VGLL4: variants seen among roughly 807,000 people sequenced by gnomAD.
VGLL4 encodes the protein vestigial like family member 4.
VGLL4 carries 7 observed loss-of-function variants against 21.0 expected under a neutral mutation model. The ratio of observed to expected loss-of-function variants is 0.33; its 90% CI spans 0.19 to 0.63. The LOEUF (loss-of-function observed/expected upper bound fraction) is 0.63, where lower values mean the gene tolerates loss of function less well. Ranked by LOEUF, VGLL4 falls within the 20% of genes least tolerant of loss-of-function variation. The pLI is 0.78. For missense variants in VGLL4, 394 were observed against 425.7 expected (o/e 0.93, Z 0.66); for synonymous variants, 222 against 173.2 (o/e 1.28, Z -2.21).
intron 1 of VGLL4, among the ~76,000 whole-genome samples, chr3:11,629,516 G>A (rs1296041132): frequency 6.6e-6 from 1 of 152,202 alleles, no homozygotes; most frequent in Middle Eastern, 3.4e-3. Context: ...CAGCACTTTG[G>A]GAGGCAGAGG....
chr3:11,615,525 C>G (rs2075145829), intron 1 of VGLL4, among the ~76,000 whole-genome samples: 1 of 152,230 alleles, frequency 6.6e-6, no homozygotes, highest in African/African-American at 2.4e-5. Flanking sequence ...ACTGGGGAAG[C>G]AGAGCCTGCA....
chr3:11,621,585 G>A (rs1180430799), intron 1 of VGLL4, among the ~76,000 whole-genome samples: 1 of 152,156 alleles, frequency 6.6e-6, no homozygotes, highest in African/African-American at 2.4e-5. Flanking sequence ...TGGGTATTTG[G>A]ATTGCTTCTA....
At chr3:11,596,318 C>G (rs887085209) in intron 2 of VGLL4, among the ~76,000 whole-genome samples, 6 of 152,170 alleles carry the variant, frequency 3.9e-5, no homozygotes, top group Admixed American at 6.5e-5. Flanking sequence ...GGGAAAGTAA[C>G]TCTTCAAATT....
chr3:11,708,445 C>A (rs1170363361), intron 1 of VGLL4, among the ~76,000 whole-genome samples: 1 of 152,150 alleles, frequency 6.6e-6, no homozygotes, highest in Admixed American at 6.5e-5. Context: ...AAAAGCTGGG[C>A]AGGTGATGTG....
At chr3:11,718,670 G>T (rs2076950803) in intron 1 of VGLL4, among the ~76,000 whole-genome samples, 2 of 152,082 alleles carry the variant, frequency 1.3e-5, no homozygotes, top group South Asian at 2.1e-4. Context: ...GTAGAGGTAG[G>T]CTTGGGTATA....
At chr3:11,610,060 G>C (rs1047177404) in intron 1 of VGLL4, among the ~76,000 whole-genome samples, 7 of 152,114 alleles carry the variant, frequency 4.6e-5, no homozygotes, top group Admixed American at 6.5e-5. Context: ...CCATAGCTCG[G>C]TCGGCCAAGC....
intron 2 of VGLL4, among the ~76,000 whole-genome samples, chr3:11,579,507 T>A (rs1243892522): frequency 2.6e-5 from 4 of 152,204 alleles, no homozygotes; most frequent in Non-Finnish European, 4.4e-5. Flanking sequence ...ATCACTCACA[T>A]CTAGATGCAA....
intron 1 of VGLL4, among the ~76,000 whole-genome samples, chr3:11,713,531 A>G (rs756288443): frequency 3.4e-5 from 5 of 147,464 alleles, no homozygotes; most frequent in African/African-American, 7.6e-5. Context: ...TTCATGTTCT[A>G]TATCTACCTC....
At chr3:11,603,435 T>C (rs1029355389) in intron 1 of VGLL4, among the ~76,000 whole-genome samples, 2 of 152,210 alleles carry the variant, frequency 1.3e-5, no homozygotes, top group Non-Finnish European at 2.9e-5. Context: ...ACTCCCTATT[T>C]AGTAATTTTC....
chr3:11,654,385 C>CA (rs1470968314), intron 2 of VGLL4, among the ~76,000 whole-genome samples: 1 of 152,130 alleles, frequency 6.6e-6, no homozygotes, highest in African/African-American at 2.4e-5. Context: ...AAACAGATAC[C>CA]AAGCAGGCTC....
At chr3:11,632,559 G>C (rs897877985) in intron 1 of VGLL4, among the ~76,000 whole-genome samples, 4 of 152,142 alleles carry the variant, frequency 2.6e-5, no homozygotes, top group African/African-American at 4.8e-5. Flanking sequence ...TTTTCTGCAA[G>C]TTTCCTTAAT....
At chr3:11,569,107 G>A (rs2073669932) in intron 2 of VGLL4, among the ~76,000 whole-genome samples, 1 of 152,222 alleles carries the variant, frequency 6.6e-6, no homozygotes, top group South Asian at 2.1e-4. Context: ...CAGTGACATT[G>A]AAAGAATCCA....
chr3:11,635,133 G>A (rs1268566584), intron 1 of VGLL4, among the ~76,000 whole-genome samples: 2 of 152,196 alleles, frequency 1.3e-5, no homozygotes, highest in Admixed American at 6.5e-5. Context: ...CAGAGTTGTG[G>A]GAGCAGAAAT....
In VGLL4 at chr3:11,677,403, G is replaced by A. The variant is rs2076306923; in HGVS notation, c.64+25568C>T. 2.0e-5 allele frequency among the ~76,000 whole-genome samples: 3 copies of A among 152,054 alleles called. No homozygotes were observed. In the South Asian group the frequency reaches 6.2e-4, roughly 32 times the overall value. ...TCCCACTTCAGCCTCCTGAGTAGAT[G>A]GAACTACAGGCAAGTGCCACCACAC... On this transcript the variant is annotated intron_variant, in intron 2 of 5. Transcript: ENST00000273038.
chr3:11,564,673 C>T (rs2073360848), intron 3 of VGLL4, 124 bp downstream of exon 3: 1 of 1,192,488 alleles, frequency 8.4e-7, no homozygotes, highest in Non-Finnish European at 1.2e-6. Context: ...TCCCTCACCA[C>T]CTCCCTCCCT....
chr3:11,642,459 T>C (rs1048282281), intron 1 of VGLL4, among the ~76,000 whole-genome samples: 9 of 152,190 alleles, frequency 5.9e-5, no homozygotes, highest in Non-Finnish European at 7.3e-5. Flanking sequence ...AAGAGAAATG[T>C]CCCGTGTATT....
Position 11,557,456 on chromosome 3 carries a change from G to A in VGLL4, c.*1100C>T, listed in dbSNP as rs565975247. On this transcript the variant is annotated 3_prime_UTR_variant, in exon 5 of 5. Transcript: ENST00000430365. Reference sequence around the variant, plus strand: ...AGCTTGTAACAAAGCAGACAGGGATGCAAAAATAAATGATGTCAGCCTGCA... The same window carrying A: ...AGCTTGTAACAAAGCAGACAGGGATACAAAAATAAATGATGTCAGCCTGCA... 15 of 152,730 alleles carry A rather than the reference G, an allele frequency of 9.8e-5. No individual in the cohort carries two copies. The East Asian group carries it at 2.6e-3, about 27-fold the overall frequency. The allele number at this position is 152,730 out of a possible 1,614,324, so 9.5% of individuals were successfully genotyped here.
intron 2 of VGLL4, among the ~76,000 whole-genome samples, chr3:11,583,849 C>A (rs1323293665): frequency 2.0e-5 from 3 of 152,220 alleles, no homozygotes; most frequent in African/African-American, 7.2e-5. Flanking sequence ...ACTCATATCT[C>A]CCCAACGCAC....
chr3:11,700,854 T>C (rs1282953314), intron 2 of VGLL4, among the ~76,000 whole-genome samples: 1 of 152,190 alleles, frequency 6.6e-6, no homozygotes, highest in Admixed American at 6.6e-5. Flanking sequence ...GAGCTCCAAT[T>C]CCTCAGATTC....
Sources: allele counts gnomAD v4.1 joint callset (sites outside exome capture counted in the v4.1 genomes callset), GRCh38; gene constraint gnomAD v4.1.1; transcripts MANE v1.5; gene names NCBI Gene and HGNC (gene_info 2026-07-23, HGNC 2026-07-21).